CACNA2D1: variants seen among roughly 807,000 people sequenced by gnomAD.
The protein encoded by CACNA2D1 is voltage-dependent calcium channel subunit alpha-2/delta-1.
In CACNA2D1, 53 loss-of-function variants were observed where a neutral mutation model predicts 171.5. The observed-to-expected ratio is 0.31, with a 90% confidence interval of 0.25 to 0.39. The LOEUF is 0.39. Among genes scored for constraint, CACNA2D1 ranks in the 10% least tolerant of loss-of-function variants. CACNA2D1 has a pLI of 1.00. For synonymous variants in CACNA2D1, 442 were observed against 443.1 expected (o/e 1.00, Z 0.03); for missense variants, 903 against 1,299.8 (o/e 0.69, Z 4.69).
intron 16 of CACNA2D1, 64 bp downstream of exon 16, chr7:82,007,615 A>G (rs2130884539): frequency 1.1e-6 from 1 of 872,436 alleles, no homozygotes; most frequent in African/African-American, 1.7e-5. Flanking sequence ...TATCTTATCC[A>G]TGTTGAGCTT....
At chr7:82,089,648 AGAG>A (rs1412329359) in intron 6 of CACNA2D1, among the ~76,000 whole-genome samples, 13 of 152,298 alleles carry the variant, frequency 8.5e-5, no homozygotes, top group South Asian at 2.1e-4. Context: ...TGGATTCTCA[AGAG>A]AAGAAAGAAA....
intron 29 of CACNA2D1, among the ~76,000 whole-genome samples, 172 bp from the exon 30 acceptor site, chr7:81,967,835 A>C (rs1178655025): frequency 1.3e-5 from 2 of 151,674 alleles, no homozygotes; most frequent in African/African-American, 2.4e-5. Context: ...ATAAATTGTA[A>C]CATATTCACA....
chr7:82,215,066 G>T (rs1800961196), intron 3 of CACNA2D1, among the ~76,000 whole-genome samples: 1 of 152,092 alleles, frequency 6.6e-6, no homozygotes, highest in South Asian at 2.1e-4. Flanking sequence ...TGGTCTTAAA[G>T]CTTGAAATTT....
intron 3 of CACNA2D1, among the ~76,000 whole-genome samples, chr7:82,234,758 C>T (rs1803348793): frequency 6.6e-6 from 1 of 152,124 alleles, no homozygotes; most frequent in Non-Finnish European, 1.5e-5. Flanking sequence ...TAGGAACATA[C>T]AAACCTGATT....
At chr7:82,156,913 C>T (rs1035845473) in intron 4 of CACNA2D1, among the ~76,000 whole-genome samples, 7 of 151,990 alleles carry the variant, frequency 4.6e-5, no homozygotes, top group African/African-American at 1.7e-4. Context: ...CCTATCAAAC[C>T]ACACAATAGA....
chr7:82,052,015 A>G (rs1391072839), intron 10 of CACNA2D1, among the ~76,000 whole-genome samples: 2 of 152,188 alleles, frequency 1.3e-5, no homozygotes, highest in African/African-American at 4.8e-5. Context: ...AGCATGAAAA[A>G]TTACTGTTAT....
rs371387517 is a variant in CACNA2D1, at chr7:82,057,718, C to A, written c.879+2710G>T. 4.6e-5 allele frequency among the ~76,000 whole-genome samples: 7 copies of A among 152,120 alleles called. No individual in the cohort carries two copies. In the East Asian group the frequency reaches 7.8e-4, roughly 17 times the overall value. ...AACTGTGAATGGACAACTGCAGAAA[C>A]CACCATTTGAATGGGCACAGAAACC... On this transcript the variant is annotated intron_variant, in intron 10 of 38. Coordinates refer to ENST00000356860, the MANE Select transcript of CACNA2D1 (RefSeq NM_000722.4).
rs1037448033 is a variant in CACNA2D1 at position 82,443,372 on chromosome 7, C to G, written c.88G>C (p.Ala30Pro). The change falls in exon 1 of 39, where the codon GCC becomes CCC. Residue 30 changes from alanine (A) to proline (P), a missense_variant. Ala to Pro is a conservative substitution (Grantham distance 27). Around this residue, in one of 5 missense-constraint regions of CACNA2D1, gnomAD observed 189 missense variants for 266.8 expected, o/e 0.71. Transcript: ENST00000356860. ...GPSSEEPFPS[A>P]VTIKSWVDKM... The stretch of plus-strand genomic sequence containing the variant: ...CCCGGCCCGCCGACTTACGTGACGG[C>G]CGAAGGGAACGGCTCCTCCGACGAG... 3 of 1,602,924 alleles carry G rather than the reference C, an allele frequency of 1.9e-6. No individual in the cohort carries two copies. The highest frequency in any genetic ancestry group is 1.7e-6 in the Non-Finnish European group (2 of 1,174,758).
At chr7:82,337,637 G>A (rs1223153430) in intron 2 of CACNA2D1, among the ~76,000 whole-genome samples, 1 of 151,998 alleles carries the variant, frequency 6.6e-6, no homozygotes, top group Non-Finnish European at 1.5e-5. Context: ...TTTCTCGAAG[G>A]AAAAACAGCA....
At chr7:82,022,873 T>A (rs1374830684) in intron 12 of CACNA2D1, among the ~76,000 whole-genome samples, 1 of 151,956 alleles carries the variant, frequency 6.6e-6, no homozygotes, top group Non-Finnish European at 1.5e-5. Flanking sequence ...AGTTATTTCA[T>A]ATCATATGCT....
chr7:82,133,601 G>T (rs976218815), intron 5 of CACNA2D1, among the ~76,000 whole-genome samples: 1 of 152,022 alleles, frequency 6.6e-6, no homozygotes, highest in African/African-American at 2.4e-5. Context: ...AAACTTTGAA[G>T]AATAATATTT....
At chr7:82,293,072 T>C (rs2129417836) in intron 3 of CACNA2D1, among the ~76,000 whole-genome samples, 1 of 152,114 alleles carries the variant, frequency 6.6e-6, no homozygotes, top group Admixed American at 6.5e-5. Flanking sequence ...TTTCTTTGCC[T>C]TTTTTCTAGG....
At position 82,113,108 on chromosome 7, in the gene CACNA2D1, G is replaced by A. The variant is rs969547690; in HGVS notation, c.526+3936C>T. Among the ~76,000 whole-genome samples, 9 of 151,986 alleles carry A rather than the reference G, an allele frequency of 5.9e-5. No homozygotes were observed. The South Asian group carries it at 1.9e-3, about 31-fold the overall frequency. ...TACTTAAATTATAGGGTAAGTATAA[G>A]GACAAAAGTATCTGGTCCCTGAAAG... On this transcript the variant is annotated intron_variant, in intron 6 of 38. Transcript: ENST00000356860.
Position 81,974,527 on chromosome 7 carries a change from A to G in CACNA2D1, c.1981T>C (p.Ser661Pro). The G allele has an allele frequency of 6.4e-7, 1 of 1,563,496 alleles. No individual in the cohort carries two copies. Among genetic ancestry groups the G allele is most frequent in the Non-Finnish European group, 8.8e-7 (1 of 1,135,836 alleles). ...PRDYCNDLKI[S>P]DNNTEFLLNF... ...AAAAGAAATTCAGTGTTATTATCCGATATTTTCAGGTCATTGCAGTAATCT... is the reference window on the plus strand; with the variant it reads ...AAAAGAAATTCAGTGTTATTATCCGGTATTTTCAGGTCATTGCAGTAATCT... Residue 661 changes from serine (S) to proline (P), a missense_variant, in exon 25 of 39, where the codon TCG (serine) becomes CCG (proline). Coordinates refer to ENST00000356860, the MANE Select transcript of CACNA2D1 (RefSeq NM_000722.4).
chr7:81,955,233 T>C (rs1558370), intron 38 of CACNA2D1, among the ~76,000 whole-genome samples: 61,438 of 151,874 alleles, frequency 0.4, 12,578 homozygotes, highest in East Asian at 0.51. Flanking sequence ...TAAGGGCCCC[T>C]TGGTAGGCTT....
intron 1 of CACNA2D1, among the ~76,000 whole-genome samples, chr7:82,374,926 G>A (rs1822849076): frequency 6.7e-6 from 1 of 150,116 alleles, no homozygotes; most frequent in South Asian, 2.1e-4. Context: ...TTTGAAAGTA[G>A]AAAATAAGGG....
intron 4 of CACNA2D1, among the ~76,000 whole-genome samples, chr7:82,158,190 T>TAA (rs1794564254): frequency 3.3e-5 from 5 of 151,748 alleles, no homozygotes; most frequent in Admixed American, 1.3e-4. Context: ...ACTATATATA[T>TAA]AATGTTTATA....
intron 6 of CACNA2D1, among the ~76,000 whole-genome samples, chr7:82,096,373 C>A (rs1684731321): frequency 6.6e-6 from 1 of 152,094 alleles, no homozygotes; most frequent in Admixed American, 6.6e-5. Flanking sequence ...ACTTCTAACA[C>A]TTTACTGGAA....
intron 3 of CACNA2D1, among the ~76,000 whole-genome samples, chr7:82,195,747 A>C (rs868632010): frequency 1.3e-5 from 2 of 151,820 alleles, no homozygotes; most frequent in African/African-American, 4.8e-5. Flanking sequence ...GCTCACCCTG[A>C]GAAGTTCACA....
Sources: allele counts gnomAD v4.1 joint callset (sites outside exome capture counted in the v4.1 genomes callset), GRCh38; gene constraint gnomAD v4.1.1; regional missense constraint gnomAD v4.1.1; transcripts MANE v1.5; gene names NCBI Gene and HGNC (gene_info 2026-07-23, HGNC 2026-07-21).